Variants in TNR observed in about 807,000 individuals in gnomAD.
The protein encoded by TNR is tenascin R.
Under a neutral mutation model 150.4 loss-of-function variants are expected in TNR, and 45 were observed. The ratio of observed to expected loss-of-function variants is 0.30; its 90% CI spans 0.24 to 0.38. The LOEUF (loss-of-function observed/expected upper bound fraction) is 0.38, where lower values mean the gene tolerates loss of function less well. TNR is among the 10% of genes least tolerant of loss of function. TNR has a pLI of 1.00. For missense variants in TNR, 1,544 were observed against 1,759.1 expected, an observed-to-expected ratio of 0.88 and a Z score of 2.19; for synonymous variants, 687 against 678.4, an observed-to-expected ratio of 1.01 and a Z score of -0.20.
chr1:175,625,970 G>T (rs180751194), intron 1 of TNR, among the ~76,000 whole-genome samples: 29 of 152,268 alleles, frequency 1.9e-4, no homozygotes, highest in Admixed American at 5.2e-4. Context: ...AGGGACCCGG[G>T]GGGGAGGTAA....
chr1:175,571,330 G>A (rs1335088979), intron 1 of TNR, among the ~76,000 whole-genome samples: 1 of 151,990 alleles, frequency 6.6e-6, no homozygotes, highest in Admixed American at 6.5e-5. Flanking sequence ...TTCTATAGTT[G>A]ATGTTTACTG....
At chr1:175,419,693 G>A (rs997182073) in intron 2 of TNR, among the ~76,000 whole-genome samples, 17 of 152,068 alleles carry the variant, frequency 1.1e-4, no homozygotes, top group African/African-American at 4.1e-4. Flanking sequence ...TGTTGGCCAA[G>A]CTGGTCTCAA....
At chr1:175,543,779 T>A (rs561058003) in intron 1 of TNR, among the ~76,000 whole-genome samples, 1 of 152,246 alleles carries the variant, frequency 6.6e-6, no homozygotes, top group South Asian at 2.1e-4. Flanking sequence ...GCAAGGGGAA[T>A]GGGCAAGTTT....
At chr1:175,325,581 C>T (rs1649331399) in intron 21 of TNR, among the ~76,000 whole-genome samples, 1 of 152,118 alleles carries the variant, frequency 6.6e-6, no homozygotes, top group African/African-American at 2.4e-5. Flanking sequence ...ATGTTTATTG[C>T]AGCACTATTC....
At chr1:175,597,758 T>C (rs1663066439) in intron 1 of TNR, among the ~76,000 whole-genome samples, 1 of 152,168 alleles carries the variant, frequency 6.6e-6, no homozygotes, top group African/African-American at 2.4e-5. Context: ...CATTGATCCA[T>C]TCACCTCCAA....
chr1:175,722,945 C>T (rs940356365), intron 1 of TNR, among the ~76,000 whole-genome samples: 1 of 152,038 alleles, frequency 6.6e-6, no homozygotes, highest in African/African-American at 2.4e-5. Context: ...GCACATACCA[C>T]CATGATGGGT....
intron 2 of TNR, among the ~76,000 whole-genome samples, chr1:175,498,763 G>A (rs553499461): frequency 6.6e-6 from 1 of 152,300 alleles, no homozygotes; most frequent in East Asian, 1.9e-4. Flanking sequence ...AAAACCTGAC[G>A]ATATAAAAGT....
intron 1 of TNR, among the ~76,000 whole-genome samples, chr1:175,662,130 G>A (rs529042809): frequency 1.1e-4 from 16 of 152,140 alleles, no homozygotes; most frequent in Non-Finnish European, 1.3e-4. Context: ...GAGGTGGGGT[G>A]GATTCAGGCT....
chr1:175,334,274 C>T (rs563038670), intron 20 of TNR, among the ~76,000 whole-genome samples: 37 of 152,340 alleles, frequency 2.4e-4, no homozygotes, highest in African/African-American at 8.7e-4. Context: ...ATAGGCCAAG[C>T]TAACCATGGG....
intron 2 of TNR, among the ~76,000 whole-genome samples, chr1:175,436,130 C>T (rs1655497383): frequency 6.6e-6 from 1 of 152,120 alleles, no homozygotes; most frequent in African/African-American, 2.4e-5. Flanking sequence ...AGTTGCTCTT[C>T]TCGAGGAGTA....
intron 2 of TNR, among the ~76,000 whole-genome samples, chr1:175,488,946 T>A (rs985147119): frequency 6.6e-6 from 1 of 152,184 alleles, no homozygotes; most frequent in Non-Finnish European, 1.5e-5. Context: ...GACAAAGGCA[T>A]GTTCAGAATT....
rs559433614 is a variant in TNR, at chr1:175,550,490, TC to T, written c.-164-22122del. Among the ~76,000 whole-genome samples, 3 of 151,902 alleles carry T rather than the reference TC, an allele frequency of 2.0e-5. No individual in the cohort carries two copies. In the East Asian group the frequency reaches 5.8e-4, roughly 29 times the overall value. ...CCCCTATACTGAGCCATGGAACTCT[TC>T]CCCCCTCACCCCCCATCCTTTTCCC... On this transcript the variant is annotated intron_variant, in intron 1 of 22. Coordinates refer to ENST00000367674, the MANE Select transcript of TNR (RefSeq NM_003285.3).
Position 175,359,600 on chromosome 1 carries a change from G to A in TNR, c.2974+12C>T. 1.9e-6 allele frequency: 3 copies of A among 1,613,082 alleles called. No homozygotes were observed. Among genetic ancestry groups the A allele is most frequent in the Non-Finnish European group, 2.5e-6 (3 of 1,179,716 alleles). On this transcript the variant is annotated intron_variant, in intron 15 of 22. Transcript: ENST00000367674. ...TCCCACCTGCCTGATCTGCAGGCCT[G>A]CAGACACCCACCTGCAAAGTGTGTA...
intron 6 of TNR, among the ~76,000 whole-genome samples, chr1:175,392,262 G>A (rs1571377039): frequency 6.6e-6 from 1 of 152,098 alleles, no homozygotes; most frequent in African/African-American, 2.4e-5. Context: ...AGACAAGAGG[G>A]CCTCTTTTGG....
At chr1:175,445,188 T>C (rs1571449582) in intron 2 of TNR, among the ~76,000 whole-genome samples, 1 of 151,816 alleles carries the variant, frequency 6.6e-6, no homozygotes, top group Non-Finnish European at 1.5e-5. Context: ...GAGAATAGAG[T>C]GAACCTGGGA....
intron 2 of TNR, among the ~76,000 whole-genome samples, chr1:175,451,359 T>A (rs1305160045): frequency 6.6e-6 from 1 of 152,152 alleles, no homozygotes; most frequent in African/African-American, 2.4e-5. Context: ...TCCTAATGCT[T>A]TCCCTTCCCC....
chr1:175,329,418 T>C (rs1056236786), intron 21 of TNR, among the ~76,000 whole-genome samples: 22 of 152,160 alleles, frequency 1.4e-4, no homozygotes, highest in Admixed American at 1.3e-4. Context: ...TTGTTCTGTT[T>C]GGTAGAAATG....
At chr1:175,561,355 T>A (rs1032959944) in intron 1 of TNR, among the ~76,000 whole-genome samples, 1 of 152,174 alleles carries the variant, frequency 6.6e-6, no homozygotes, top group Non-Finnish European at 1.5e-5. Context: ...TGGGGCCCAA[T>A]ATTCAAACAA....
intron 1 of TNR, among the ~76,000 whole-genome samples, chr1:175,620,835 GA>G (rs34205044): frequency 1.4e-5 from 2 of 148,046 alleles, no homozygotes; most frequent in African/African-American, 2.5e-5. Flanking sequence ...TGTGTGAGTA[GA>G]AAAAAAAAAG....
Sources: allele counts gnomAD v4.1 joint callset (sites outside exome capture counted in the v4.1 genomes callset), GRCh38; gene constraint gnomAD v4.1.1; transcripts MANE v1.5; gene names NCBI Gene and HGNC (gene_info 2026-07-23, HGNC 2026-07-21).